RBBP5: variants seen among roughly 807,000 people sequenced by gnomAD.
RBBP5 encodes the protein RB binding protein 5, histone lysine methyltransferase complex subunit.
A neutral mutation model predicts 72.2 loss-of-function variants in RBBP5; 5 were observed. The observed-to-expected ratio is 0.07, with a 90% CI of 0.04 to 0.15. The LOEUF (loss-of-function observed/expected upper bound fraction) is 0.15, where lower values mean the gene tolerates loss of function less well. Among genes scored for constraint, RBBP5 ranks in the 10% least tolerant of loss-of-function variants. RBBP5 has a pLI of 1.00. For missense variants in RBBP5, 322 were observed against 652.2 expected (o/e 0.49, Z 5.51); for synonymous variants, 209 against 237.2 (o/e 0.88, Z 1.09).
intron 1 of RBBP5, among the ~76,000 whole-genome samples, chr1:205,116,819 A>C (rs986372811): frequency 9.2e-5 from 14 of 152,166 alleles, no homozygotes; most frequent in African/African-American, 3.4e-4. Flanking sequence ...GTCTCAAAAC[A>C]AAAAGAAAAA....
rs1203241925 is a variant in RBBP5 at position 205,096,694 on chromosome 1, C to T, written c.1384G>A (p.Val462Ile). The T allele has an allele frequency of 1.2e-6, 2 of 1,613,808 alleles. No homozygotes were observed. Among genetic ancestry groups the T allele is most frequent in the Non-Finnish European group, 1.7e-6 (2 of 1,179,794 alleles). ...ATGTAGCTCTTACCATCATTTGGTA[C>T]TCCTTGAAGTTCTATATTGGTTGTT... ...PKTTNIELQG[V>I]PNDEVHPLLG... is the part of the protein sequence containing the mutation. The change falls in exon 12 of 14, where the codon GTA becomes ATA. Residue 462 changes from valine to isoleucine, a missense_variant. Val to Ile is a conservative substitution (Grantham distance 29). Around this residue, in one of 6 missense-constraint regions of RBBP5, gnomAD observed 109 missense variants for 146.3 expected, o/e 0.75. Transcript: ENST00000264515.
intron 5 of RBBP5, among the ~76,000 whole-genome samples, chr1:205,103,497 A>G (rs17416419): frequency 0.068 from 10,382 of 152,252 alleles, 573 homozygotes; most frequent in African/African-American, 0.13. Context: ...AAGTCTCAGT[A>G]CTGTAAGTTA....
At chr1:205,109,443 G>A (rs1467782095) in intron 3 of RBBP5, among the ~76,000 whole-genome samples, 2 of 152,146 alleles carry the variant, frequency 1.3e-5, no homozygotes, top group Non-Finnish European at 2.9e-5. Flanking sequence ...AAGACTGAGA[G>A]TGAGGAGAAA....
chr1:205,095,747 T>C (rs1655586205), intron 12 of RBBP5, among the ~76,000 whole-genome samples: 1 of 152,164 alleles, frequency 6.6e-6, no homozygotes, highest in South Asian at 2.1e-4. Context: ...CTAAATTTTC[T>C]CCTTTAAAAA....
In RBBP5 at chr1:205,088,419, G is replaced by A. The variant is rs1033220859; in HGVS notation, c.*368C>T. On this transcript the variant is annotated 3_prime_UTR_variant, in exon 14 of 14. Coordinates refer to ENST00000264515, the MANE Select transcript of RBBP5 (RefSeq NM_005057.4). Reference sequence around the variant, plus strand: ...TGCATTGAGGACCGAAGGCAAATGGGAGATAGGAAATGACATGTCAAAATG... The same window carrying A: ...TGCATTGAGGACCGAAGGCAAATGGAAGATAGGAAATGACATGTCAAAATG... The A allele has an allele frequency of 1.5e-5, 3 of 200,266 alleles. No individual in the cohort carries two copies. The highest frequency in any genetic ancestry group is 3.0e-5 in the Non-Finnish European group (3 of 99,180). The allele number at this position is 200,266 out of a possible 1,614,324, so 12.4% of individuals were successfully genotyped here.
chr1:205,094,615 T>G (rs908700701), intron 13 of RBBP5, among the ~76,000 whole-genome samples: 1 of 152,180 alleles, frequency 6.6e-6, no homozygotes, highest in African/African-American at 2.4e-5. Flanking sequence ...AGAAAAATAT[T>G]CACATAATAT....
chr1:205,117,103 G>A (rs1656556783), intron 1 of RBBP5, among the ~76,000 whole-genome samples: 1 of 151,850 alleles, frequency 6.6e-6, no homozygotes, highest in South Asian at 2.1e-4. Flanking sequence ...CCAGGCTGGA[G>A]GGCAGTGGTG....
At chr1:205,117,844 C>T (rs892035837) in intron 1 of RBBP5, among the ~76,000 whole-genome samples, 2 of 151,784 alleles carry the variant, frequency 1.3e-5, no homozygotes, top group African/African-American at 4.8e-5. Flanking sequence ...AGACAGAGTT[C>T]GCTCTTGTCT....
intron 1 of RBBP5, among the ~76,000 whole-genome samples, chr1:205,119,354 C>T (rs995682392): frequency 4.6e-5 from 7 of 152,126 alleles, no homozygotes; most frequent in African/African-American, 1.7e-4. Context: ...CGAGATTGTG[C>T]CACTGCACTC....
At chr1:205,121,251 ACAACTCCCTC>A (rs1189633503) in intron 1 of RBBP5, among the ~76,000 whole-genome samples, 1 of 152,216 alleles carries the variant, frequency 6.6e-6, no homozygotes, top group African/African-American at 2.4e-5. Context: ...GCGACAAAAG[ACAACTCCCTC>A]CGTATTTCAC....
At chr1:205,110,040 G>C (rs897100778) in intron 3 of RBBP5, among the ~76,000 whole-genome samples, 1 of 151,602 alleles carries the variant, frequency 6.6e-6, no homozygotes, top group Non-Finnish European at 1.5e-5. Flanking sequence ...TTGTTTTTTG[G>C]GTTTTTTTTT....
chr1:205,114,598 A>G (rs1656450245), intron 3 of RBBP5, among the ~76,000 whole-genome samples, 191 bp downstream of exon 3: 1 of 152,198 alleles, frequency 6.6e-6, no homozygotes, highest in South Asian at 2.1e-4. Flanking sequence ...TCCATAATAC[A>G]ATGAATTTCT....
At chr1:205,111,183 G>A (rs988063534) in intron 3 of RBBP5, among the ~76,000 whole-genome samples, 3 of 152,212 alleles carry the variant, frequency 2.0e-5, no homozygotes, top group Non-Finnish European at 4.4e-5. Context: ...TCCTTTGACT[G>A]ACTAATAACA....
chr1:205,096,621 C>T (rs1655628761), intron 12 of RBBP5, 61 bp downstream of exon 12: 24 of 1,466,190 alleles, frequency 1.6e-5, no homozygotes, highest in Admixed American at 3.9e-5. Flanking sequence ...TACCAGGTTG[C>T]GCTGGGGAGT....
chr1:205,108,744 T>A (rs1656182452), intron 3 of RBBP5, among the ~76,000 whole-genome samples: 1 of 152,220 alleles, frequency 6.6e-6, no homozygotes. Flanking sequence ...GTCAGACTTC[T>A]ACTCAAGCCT....
chr1:205,110,951 C>G (rs1036868649), intron 3 of RBBP5, among the ~76,000 whole-genome samples: 1 of 152,122 alleles, frequency 6.6e-6, no homozygotes, highest in Non-Finnish European at 1.5e-5. Context: ...GTAATCCCAG[C>G]TACTCAGGAG....
In RBBP5 at chr1:205,094,939, T is replaced by C. The variant is rs757962048; in HGVS notation, c.1522A>G (p.Arg508Gly). The C allele has an allele frequency of 1.4e-5, 23 of 1,614,080 alleles. No homozygotes were observed. Among genetic ancestry groups the C allele is most frequent in the Admixed American group, 1.2e-4 (7 of 60,002 alleles). The change falls in exon 13 of 14, where the codon AGA becomes GGA. Residue 508 changes from arginine to glycine, a missense_variant. Transcript: ENST00000264515. ...PFKPKLYKGDRGLPLEGSAKG... is the reference protein window; with the variant it reads ...PFKPKLYKGDGGLPLEGSAKG... ...GCTGATCCTTCCAGAGGTAAACCTC[T>C]GTCCCCTTTGTAGAGTTTCGGTTTA... is the stretch of plus-strand genomic sequence containing the variant.
Position 205,099,059 on chromosome 1 carries a change from A to G in RBBP5, c.1026T>C (p.Asn342=), listed in dbSNP as rs1380184178. The change falls in exon 10 of 14, where the codon AAT becomes AAC. Residue 342 remains asparagine, a synonymous_variant. Coordinates refer to ENST00000264515, the MANE Select transcript of RBBP5 (RefSeq NM_005057.4). This position sits in a 1 kb window ranked among gnomAD's most constrained non-coding sequence, Gnocchi z 4.7. The stretch of plus-strand genomic sequence containing the variant: ...CTGATTCCCTTTCTTCGTATTCTAC[A>G]TTTTCATCCAATTCTTTGAAGTCTG... ...FAPDFKELDE[N]VEYEERESEF... 1 of 1,611,894 alleles carries G rather than the reference A, an allele frequency of 6.2e-7. No homozygotes were observed. Among genetic ancestry groups the G allele is most frequent in the Admixed American group, 1.7e-5 (1 of 59,494 alleles).
At chr1:205,107,356 A>C (rs1656113309) in intron 3 of RBBP5, among the ~76,000 whole-genome samples, 1 of 152,204 alleles carries the variant, frequency 6.6e-6, no homozygotes, top group African/African-American at 2.4e-5. Flanking sequence ...CAATGAAAAA[A>C]TCTTGAAAGC....
Sources: allele counts gnomAD v4.1 joint callset (sites outside exome capture counted in the v4.1 genomes callset), GRCh38; gene constraint gnomAD v4.1.1; regional missense constraint gnomAD v4.1.1; non-coding constraint Gnocchi (gnomAD v3.1); transcripts MANE v1.5; gene names NCBI Gene and HGNC (gene_info 2026-07-23, HGNC 2026-07-21).